The following AEN variants were observed in gnomAD, a reference collection of about 807,000 sequenced individuals.
AEN encodes the protein apoptosis enhancing nuclease.
In AEN, 21 loss-of-function variants were observed where a neutral mutation model predicts 17.7. The ratio of observed to expected loss-of-function variants is 1.19; its 90% CI spans 0.84 to 1.71. AEN has a LOEUF of 1.71. Among genes scored for constraint, AEN ranks in the 40% most tolerant of loss-of-function variants. The pLI, the probability that AEN is intolerant of heterozygous loss-of-function variation, is 0.00. For synonymous variants in AEN, 190 were observed against 173.0 expected (o/e 1.10, Z -0.77); for missense variants, 462 against 435.9 (o/e 1.06, Z -0.53).
chr15:88,614,283 C>A, the AEN span, among the ~76,000 whole-genome samples: 24 of 150,660 alleles, frequency 1.6e-4, no homozygotes, highest in African/African-American at 5.4e-4. Context: ...CAATGCAACC[C>A]CAACCTCCTG....
At chr15:88,613,204 T>C in the AEN span, among the ~76,000 whole-genome samples, 1 of 152,318 alleles carries the variant, frequency 6.6e-6, no homozygotes, top group East Asian at 1.9e-4. Flanking sequence ...GGCAAGGCAC[T>C]TGACCTCTCT....
chr15:88,626,313 G>T lies in AEN; in HGVS notation c.104G>T (p.Arg35Leu), dbSNP rs139013526. ...VLRKRHKRRSRQHQRFMARKA... is the reference protein window; with the variant it reads ...VLRKRHKRRSLQHQRFMARKA... ...CGGAAGAGGCACAAGAGAAGGAGCC[G>T]ACAGCACCAGCGGTTCATGGCCCGG... The change falls in exon 2 of 4, where the codon CGA (arginine) becomes CTA (leucine). Residue 35 changes from arginine (R) to leucine (L), a missense_variant. Arg to Leu is a moderately radical substitution (Grantham distance 102). Coordinates refer to ENST00000332810, the MANE Select transcript of AEN (RefSeq NM_022767.4). The T allele has an allele frequency of 1.5e-5, 25 of 1,613,626 alleles. No individual in the cohort carries two copies. In the East Asian group the frequency reaches 3.6e-4, roughly 23 times the overall value.
upstream of AEN, among the ~76,000 whole-genome samples, chr15:88,619,001 T>C (rs2057760132): frequency 6.6e-6 from 1 of 152,168 alleles, no homozygotes; most frequent in Admixed American, 6.5e-5. Context: ...CTTGCTATGT[T>C]GCCCATGCTG....
At chr15:88,620,019 C>T (rs1443482693), upstream of AEN, among the ~76,000 whole-genome samples, 4 of 152,162 alleles carry the variant, frequency 2.6e-5, no homozygotes, top group Admixed American at 2.6e-4. Flanking sequence ...TGGCTTAAAT[C>T]CCTCTGCCTC....
intron 2 of AEN, chr15:88,628,336 A>C (rs558306444): frequency 6.6e-6 from 1 of 152,400 alleles, no homozygotes; most frequent in South Asian, 2.1e-4. Flanking sequence ...ATATGTTGCC[A>C]GCAGAGGTAG....
In AEN at chr15:88,630,175, G is replaced by A; in HGVS notation, c.859G>A (p.Asp287Asn). The A allele has an allele frequency of 6.2e-7, 1 of 1,613,706 alleles. No homozygotes were observed. Among genetic ancestry groups the A allele is most frequent in the East Asian group, 2.2e-5 (1 of 44,868 alleles). ...CCGCAGCCTCTGGACCTGCCCCGAG[G>A]ACAGAGAACCTGACAGCAGCACAGA... ...EARSLWTCPE[D>N]REPDSSTDME... Residue 287 changes from aspartate to asparagine, a missense_variant, in exon 4 of 4, where the codon GAC (aspartate) becomes AAC (asparagine). Asp to Asn is a conservative substitution (Grantham distance 23, BLOSUM62 1). Transcript: ENST00000332810. This position sits in a 1 kb window ranked among gnomAD's most constrained non-coding sequence, Gnocchi z 5.1.
chr15:88,612,535 A>G, the AEN span, among the ~76,000 whole-genome samples: 1 of 152,116 alleles, frequency 6.6e-6, no homozygotes, highest in African/African-American at 2.4e-5. Flanking sequence ...CAGGAATACA[A>G]TTAGAATTAG....
At chr15:88,609,534 G>T in the AEN span, among the ~76,000 whole-genome samples, 1 of 152,140 alleles carries the variant, frequency 6.6e-6, no homozygotes, top group Non-Finnish European at 1.5e-5. Context: ...AGAGAGGAGG[G>T]GTTTGGGATC....
At chr15:88,620,085 C>G (rs962338197), upstream of AEN, among the ~76,000 whole-genome samples, 1 of 152,156 alleles carries the variant, frequency 6.6e-6, no homozygotes, top group African/African-American at 2.4e-5. Context: ...GACCTCATCC[C>G]TTGTCCTGCT....
upstream of AEN, among the ~76,000 whole-genome samples, chr15:88,621,131 C>G (rs2057780728): frequency 6.6e-6 from 1 of 152,220 alleles, no homozygotes; most frequent in Non-Finnish European, 1.5e-5. Context: ...CCCTTCCCTT[C>G]TCTTTAAAAT....
At position 88,626,413 on chromosome 15, in the gene AEN, C is replaced by T. The variant is rs780933013; in HGVS notation, c.204C>T (p.Phe68=). The part of the protein sequence containing the change: ...EPGSSPLPTP[F]GAATATEAAS... ...GGTCCTCCCCACTGCCCACCCCTTT[C>T]GGGGCAGCGACAGCAACTGAAGCTG... The change falls in exon 2 of 4, where the codon TTC becomes TTT. Residue 68 remains phenylalanine (F), a synonymous_variant. Coordinates refer to ENST00000332810, the MANE Select transcript of AEN (RefSeq NM_022767.4). 20 of 1,612,522 alleles carry T rather than the reference C, an allele frequency of 1.2e-5. No individual in the cohort carries two copies. Among genetic ancestry groups the T allele is most frequent in the African/African-American group, 6.7e-5 (5 of 74,942 alleles).
the AEN span, among the ~76,000 whole-genome samples, chr15:88,606,730 C>T: frequency 6.6e-6 from 1 of 152,200 alleles, no homozygotes; most frequent in East Asian, 1.9e-4. Context: ...GCGTAAGGCC[C>T]CGTCTGGGGA....
At chr15:88,612,033 C>T in the AEN span, 1 of 400,278 alleles carries the variant, frequency 2.5e-6, no homozygotes, top group African/African-American at 2.2e-5. Context: ...CTCAGGTCAC[C>T]ACCCTAAACA....
chr15:88,614,324 C>G, the AEN span, among the ~76,000 whole-genome samples: 3 of 151,972 alleles, frequency 2.0e-5, no homozygotes, highest in African/African-American at 4.8e-5. Context: ...CTCAGCCTCC[C>G]GATCAGATGA....
rs773246309 is a variant in AEN at position 88,626,682 on chromosome 15, C to A, written c.473C>A (p.Thr158Asn). 3 of 1,613,690 alleles carry A rather than the reference C, an allele frequency of 1.9e-6. No individual in the cohort carries two copies. Among genetic ancestry groups the A allele is most frequent in the Admixed American group, 3.3e-5 (2 of 60,008 alleles). Reference protein sequence around the residue: ...RPEMPIADYRTRWSGITRQHM... With the variant: ...RPEMPIADYRNRWSGITRQHM... ...GAGATGCCCATCGCTGACTACCGTA[C>A]CCGCTGGAGTGGCATCACTCGGCAG... Residue 158 changes from threonine (T) to asparagine (N), a missense_variant, in exon 2 of 4, where the codon ACC becomes AAC. By Grantham distance (65) the Thr-to-Asn change is moderately conservative (BLOSUM62 0). Coordinates refer to ENST00000332810, the MANE Select transcript of AEN (RefSeq NM_022767.4).
the AEN span, among the ~76,000 whole-genome samples, chr15:88,614,921 T>C: frequency 2.0e-5 from 3 of 152,158 alleles, no homozygotes; most frequent in African/African-American, 4.8e-5. Flanking sequence ...GGAGTCTCGC[T>C]CTGTCGCCCA....
chr15:88,624,862 A>G (rs756978343), intron 1 of AEN, among the ~76,000 whole-genome samples: 2 of 139,802 alleles, frequency 1.4e-5, no homozygotes, highest in Non-Finnish European at 3.1e-5. Context: ...TAGCCTGGGT[A>G]ACGAGAACGA....
the AEN span, among the ~76,000 whole-genome samples, chr15:88,611,460 T>C: frequency 7.4e-6 from 1 of 134,420 alleles, no homozygotes; most frequent in Admixed American, 7.5e-5. Context: ...AAAAAAAAAT[T>C]AGCTGTAGTC....
In AEN at chr15:88,629,297, T is replaced by A. The variant is rs771674304; in HGVS notation, c.612T>A (p.Tyr204Ter). 2 of 1,614,122 alleles carry A rather than the reference T, an allele frequency of 1.2e-6. No homozygotes were observed. The highest frequency in any genetic ancestry group is 1.7e-6 in the Non-Finnish European group (2 of 1,180,022). The change falls in exon 3 of 4, where the codon TAT (tyrosine) becomes TAA (stop). Residue 204 changes from tyrosine to a stop codon, truncating the protein, a stop_gained. Coordinates refer to ENST00000332810, the MANE Select transcript of AEN (RefSeq NM_022767.4). LOFTEE classifies it high-confidence loss of function. Reference sequence around the variant, plus strand: ...ACAACGACTTCCAGGCGCTCAAGTATGTCCACCCTCGGAGCCAGACCCGGG... The same window carrying A: ...ACAACGACTTCCAGGCGCTCAAGTAAGTCCACCCTCGGAGCCAGACCCGGG... ...ALHNDFQALK[Y>*]VHPRSQTRDT... is the part of the protein sequence containing the mutation.
Sources: allele counts gnomAD v4.1 joint callset (sites outside exome capture counted in the v4.1 genomes callset), GRCh38; gene constraint gnomAD v4.1.1; non-coding constraint Gnocchi (gnomAD v3.1); transcripts MANE v1.5; gene names NCBI Gene and HGNC (gene_info 2026-07-23, HGNC 2026-07-21).